Variants in GATA6 observed in about 807,000 individuals in gnomAD.
GATA6 encodes GATA binding protein 6.
Under a neutral mutation model 48.1 loss-of-function variants are expected in GATA6, and 11 were observed. The ratio of observed to expected loss-of-function variants is 0.23; its 90% confidence interval spans 0.14 to 0.38. The LOEUF (loss-of-function observed/expected upper bound fraction) is 0.38. Ranked by LOEUF, GATA6 falls within the 10% of genes least tolerant of loss-of-function variation. GATA6 has a pLI of 1.00. For missense variants in GATA6, 795 were observed against 850.3 expected (o/e 0.93, Z 0.81); for synonymous variants, 419 against 396.1 (o/e 1.06, Z -0.69).
At chr18:22,188,652 C>T (rs2033292656) in intron 6 of GATA6, among the ~76,000 whole-genome samples, 1 of 152,180 alleles carries the variant, frequency 6.6e-6, no homozygotes, top group African/African-American at 2.4e-5. Flanking sequence ...TGTCTGTACA[C>T]TGGAGTCCAA....
At position 22,181,479 on chromosome 18, in the gene GATA6, C is replaced by G. The variant is rs768460903; in HGVS notation, c.1329C>G (p.Ser443=). 6.2e-7 allele frequency: 1 copy of G among 1,614,200 alleles called. No homozygotes were observed. The highest frequency in any genetic ancestry group is 8.5e-7 in the Non-Finnish European group (1 of 1,180,026). The change falls in exon 4 of 7, where the codon TCC becomes TCG. Residue 443 remains serine (S), a synonymous_variant. Transcript: ENST00000269216. ...CTTCATCACGGCGGCTTGGATTGTCCTGTGCCAACTGTCACACCACAACTA... is the reference window on the plus strand; with the variant it reads ...CTTCATCACGGCGGCTTGGATTGTCGTGTGCCAACTGTCACACCACAACTA... ...RVPSSRRLGL[S]CANCHTTTTT...
Position 22,202,454 on chromosome 18 carries a change from A to G in GATA6, c.*1631A>G, listed in dbSNP as rs759178126. On this transcript the variant is annotated 3_prime_UTR_variant, in exon 7 of 7. Transcript: ENST00000269216. ...GAAATGATTCCAGTGGCCTCTTTGT[A>G]TTTTCTTCATTGTTGAGTAGATTTC... 4 of 152,032 alleles carry G rather than the reference A, an allele frequency of 2.6e-5. No homozygotes were observed. Among genetic ancestry groups the G allele is most frequent in the Admixed American group, 6.6e-5 (1 of 15,256 alleles). 9.4% of individuals were successfully genotyped at this position (152,032 alleles called of 1,614,324 possible).
At chr18:22,187,159 G>A (rs2033272700) in intron 6 of GATA6, among the ~76,000 whole-genome samples, 1 of 152,188 alleles carries the variant, frequency 6.6e-6, no homozygotes, top group African/African-American at 2.4e-5. Context: ...ACTAAAAAAT[G>A]TATATTTAGT....
In GATA6 at chr18:22,185,867, C is replaced by T. The variant is rs946159194; in HGVS notation, c.1620+2824C>T. Among the ~76,000 whole-genome samples, 5 of 152,088 alleles carry T rather than the reference C, an allele frequency of 3.3e-5. No homozygotes were observed. Among genetic ancestry groups the T allele is most frequent in the Admixed American group, 1.3e-4 (2 of 15,274 alleles). On this transcript the variant is annotated intron_variant, in intron 6 of 6. Transcript: ENST00000269216. This position sits in a 1 kb window ranked among gnomAD's most constrained non-coding sequence, Gnocchi z 4.3. The stretch of plus-strand genomic sequence containing the variant: ...TGTATGGCATGGCCCATGTGGCTGC[C>T]GAGTAGCTGTGAAGAGTCTGCTGGA...
In GATA6 at chr18:22,177,944, G is replaced by GT. The variant is rs979067151; in HGVS notation, c.1302+830dup. ...TTCCCCAATTCGCACACGTTTTACT[G>GT]TTTTTTTGTTTTTTTTTTTTTTTTT... is the stretch of plus-strand genomic sequence containing the variant. On this transcript the variant is annotated intron_variant, in intron 3 of 6. Coordinates refer to ENST00000269216, the MANE Select transcript of GATA6 (RefSeq NM_005257.6). 5.5e-3 allele frequency among the ~76,000 whole-genome samples: 430 copies of GT among 77,772 alleles called. 55 individuals are homozygous for GT. Among genetic ancestry groups the GT allele is most frequent in the African/African-American group, 0.015 (237 of 15,866 alleles). 51.0% of individuals were successfully genotyped at this position (77,772 alleles called of 152,430 possible).
At chr18:22,181,726 T>C in intron 4 of GATA6, 148 bp downstream of exon 4, 1 of 796,046 alleles carries the variant, frequency 1.3e-6, no homozygotes, top group East Asian at 2.7e-5. Context: ...ATATATTCAG[T>C]GTACATACTG....
chr18:22,176,735 G>A, intron 2 of GATA6: 1 of 530,810 alleles, frequency 1.9e-6, no homozygotes, highest in Non-Finnish European at 3.3e-6. Flanking sequence ...CTCTACTGGG[G>A]CGCTCCGGGT....
intron 6 of GATA6, among the ~76,000 whole-genome samples, chr18:22,187,877 ATGTC>A (rs570224594): frequency 4.5e-4 from 69 of 152,296 alleles, no homozygotes; most frequent in African/African-American, 1.6e-3. Context: ...CAATAAGACA[ATGTC>A]TGAGAACAAG....
At chr18:22,174,773 T>TA (rs1425225803) in intron 2 of GATA6, among the ~76,000 whole-genome samples, 2 of 152,084 alleles carry the variant, frequency 1.3e-5, no homozygotes, top group East Asian at 1.9e-4. Context: ...GCAGACACTT[T>TA]AAACACCAGA....
intron 6 of GATA6, among the ~76,000 whole-genome samples, chr18:22,195,023 G>T (rs1040316776): frequency 1.3e-5 from 2 of 152,058 alleles, no homozygotes. Flanking sequence ...AAAATTAGCC[G>T]AGTGTAGTGG....
Position 22,171,245 on chromosome 18 carries a change from C to A in GATA6, c.101C>A (p.Thr34Lys). The A allele has an allele frequency of 1.3e-6, 2 of 1,598,862 alleles. No homozygotes were observed. The highest frequency in any genetic ancestry group is 8.5e-7 in the Non-Finnish European group (1 of 1,179,126). Residue 34 changes from threonine (T) to lysine (K), a missense_variant, in exon 2 of 7, where the codon ACG becomes AAG. By Grantham distance (78) the Thr-to-Lys change is moderately conservative. This residue lies in a region of GATA6 where 591 missense variants were observed against 570.0 expected (regional missense o/e 1.04). Coordinates refer to ENST00000269216, the MANE Select transcript of GATA6 (RefSeq NM_005257.6). This position sits in a 1 kb window ranked among gnomAD's most constrained non-coding sequence, Gnocchi z 7.1. ...GCCTTTCCAGCGCGGGAGCCCTCCA[C>A]GCCGCCTTCCCCCATCTCTTCCTCG... ...SRAFPAREPS[T>K]PPSPISSSSS...
intron 3 of GATA6, among the ~76,000 whole-genome samples, chr18:22,181,123 ACT>A (rs2033189950): frequency 6.6e-6 from 1 of 151,906 alleles, no homozygotes; most frequent in Admixed American, 6.6e-5. Flanking sequence ...CAGGGATGAA[ACT>A]CTCCTTGATA....
Position 22,172,111 on chromosome 18 carries a change from TACC to T in GATA6, c.996_998del (p.His333del), listed in dbSNP as rs562588574. The T allele has an allele frequency of 0.014, 18,763 of 1,309,370 alleles. 1 individual carries two copies. The highest frequency in any genetic ancestry group is 0.037 in the South Asian group (2,176 of 58,758). The allele number at this position is 1,309,370 out of a possible 1,614,324, so 81.1% of individuals were successfully genotyped here. A position where few individuals can be genotyped will look rare whatever the true frequency, so the allele number is the denominator to read the frequency against. On this transcript the variant is annotated inframe_deletion, in exon 2 of 7. Coordinates refer to ENST00000269216, the MANE Select transcript of GATA6 (RefSeq NM_005257.6). This position sits in a 1 kb window ranked among gnomAD's most constrained non-coding sequence, Gnocchi z 5.2. ...GGCCGCGCGGCCGCTGAACGGGACG[TACC>T]ACCACCACCACCACCACCACCACCA... is the stretch of plus-strand genomic sequence containing the variant.
In GATA6 at chr18:22,189,960, C is replaced by T. The variant is rs529462835; in HGVS notation, c.1620+6917C>T. Among the ~76,000 whole-genome samples, 18 of 152,316 alleles carry T rather than the reference C, an allele frequency of 1.2e-4. 1 individual carries two copies. The South Asian group carries it at 3.1e-3, about 26-fold the overall frequency. ...TGTCAAATTGAGACGCGTGGTTTCA[C>T]GTTGGCCGCAGGTCTGGCTGATGCG... On this transcript the variant is annotated intron_variant, in intron 6 of 6. Transcript: ENST00000269216.
chr18:22,184,850 A>C (rs1160118545), intron 6 of GATA6, among the ~76,000 whole-genome samples: 3 of 152,164 alleles, frequency 2.0e-5, no homozygotes, highest in Admixed American at 6.5e-5. Context: ...ATGTAGCTAG[A>C]GGCAAAACAA....
intron 6 of GATA6, among the ~76,000 whole-genome samples, chr18:22,188,597 C>T (rs946961212): frequency 2.6e-5 from 4 of 152,132 alleles, no homozygotes; most frequent in Admixed American, 6.5e-5. Flanking sequence ...TTCAAATCAA[C>T]GATGGACTTT....
At chr18:22,174,611 A>G (rs1262699129) in intron 2 of GATA6, among the ~76,000 whole-genome samples, 1 of 152,078 alleles carries the variant, frequency 6.6e-6, no homozygotes, top group East Asian at 1.9e-4. Context: ...GGAAATCAGG[A>G]AGTGACTGGG....
chr18:22,184,121 C>A (rs904073100), intron 6 of GATA6, among the ~76,000 whole-genome samples: 1 of 152,136 alleles, frequency 6.6e-6, no homozygotes, highest in South Asian at 2.1e-4. Flanking sequence ...ACTACTGCCC[C>A]GGAGGTGTTT....
rs1354936138 is a variant in GATA6 at position 22,172,851 on chromosome 18, T to C, written c.1135+572T>C. 1.3e-5 allele frequency among the ~76,000 whole-genome samples: 2 copies of C among 152,194 alleles called. No individual in the cohort carries two copies. The highest frequency in any genetic ancestry group is 2.9e-5 in the Non-Finnish European group (2 of 68,028). On this transcript the variant is annotated intron_variant, in intron 2 of 6. Transcript: ENST00000269216. This position sits in a 1 kb window ranked among gnomAD's most constrained non-coding sequence, Gnocchi z 5.2. ...ACCTAGATGTTCCTAGGGAAGCTAG[T>C]TGGCGTCTCCTCTCCCACAAGGGAG...
Sources: allele counts gnomAD v4.1 joint callset (sites outside exome capture counted in the v4.1 genomes callset), GRCh38; gene constraint gnomAD v4.1.1; regional missense constraint gnomAD v4.1.1; non-coding constraint Gnocchi (gnomAD v3.1); transcripts MANE v1.5; gene names NCBI Gene and HGNC (gene_info 2026-07-23, HGNC 2026-07-21).